TAFA2: variants seen among roughly 807,000 people sequenced by gnomAD.
TAFA2 encodes the protein chemokine-like protein TAFA-2.
TAFA2 carries 7 observed loss-of-function variants against 18.8 expected under a neutral mutation model. The ratio of observed to expected loss-of-function variants is 0.37; its 90% CI spans 0.21 to 0.70. TAFA2 has a LOEUF of 0.70. Among genes scored for constraint, TAFA2 ranks in the 30% least tolerant of loss-of-function variants. The pLI is 0.53. For synonymous variants in TAFA2, 60 were observed against 54.2 expected (o/e 1.11, Z -0.47); for missense variants, 122 against 158.1 (o/e 0.77, Z 1.23).
intron 4 of TAFA2, among the ~76,000 whole-genome samples, chr12:61,739,842 G>T (rs1452608439): frequency 6.6e-6 from 1 of 152,044 alleles, no homozygotes; most frequent in African/African-American, 2.4e-5. Flanking sequence ...TTCTAATCAT[G>T]ATAGTTGTTT....
chr12:61,922,667 C>T lies in TAFA2; in HGVS notation c.-1-55241G>A, dbSNP rs554591998. On this transcript the variant is annotated intron_variant, in intron 1 of 4. Coordinates refer to ENST00000416284, the MANE Select transcript of TAFA2 (RefSeq NM_178539.5). ...CCTGGGTTTCAAGCACAAAACAGGG[C>T]GACCATTTGGGCAGACACCTAGCTA... Among the ~76,000 whole-genome samples the T allele has an allele frequency of 1.5e-4, 23 of 152,226 alleles. No homozygotes were observed. In the South Asian group the frequency reaches 3.7e-3, roughly 25 times the overall value.
chr12:61,801,407 A>G (rs537630500), intron 2 of TAFA2, among the ~76,000 whole-genome samples: 26 of 152,242 alleles, frequency 1.7e-4, no homozygotes, highest in African/African-American at 6.3e-4. Flanking sequence ...ACAGCATAGT[A>G]CTGGTATAAA....
chr12:62,074,062 TA>T (rs1453661162), intron 1 of TAFA2, among the ~76,000 whole-genome samples: 3 of 152,214 alleles, frequency 2.0e-5, no homozygotes, highest in Non-Finnish European at 4.4e-5. Flanking sequence ...TAGCATTAAA[TA>T]GGAACTATTT....
intron 2 of TAFA2, among the ~76,000 whole-genome samples, chr12:61,853,081 G>A (rs1360448337): frequency 6.6e-6 from 1 of 152,136 alleles, no homozygotes; most frequent in Non-Finnish European, 1.5e-5. Flanking sequence ...AACCATGTGA[G>A]GTGATGAATA....
chr12:61,983,429 G>T (rs1879709392), intron 1 of TAFA2, among the ~76,000 whole-genome samples: 2 of 116,090 alleles, frequency 1.7e-5, no homozygotes, highest in African/African-American at 5.7e-5. Flanking sequence ...TTTGTTTTGG[G>T]ACAGAGTCTC....
intron 1 of TAFA2, among the ~76,000 whole-genome samples, chr12:62,226,998 A>G (rs1187739437): frequency 6.6e-6 from 1 of 151,980 alleles, no homozygotes; most frequent in Non-Finnish European, 1.5e-5. Flanking sequence ...CCAGATTTCA[A>G]TATGGGAACA....
intron 2 of TAFA2, among the ~76,000 whole-genome samples, chr12:61,763,548 A>C (rs1869653625): frequency 6.6e-6 from 1 of 151,914 alleles, no homozygotes; most frequent in Non-Finnish European, 1.5e-5. Flanking sequence ...CCCTTTATAC[A>C]CTGTCCAGCA....
intron 1 of TAFA2, among the ~76,000 whole-genome samples, chr12:61,981,611 A>G (rs1879638773): frequency 6.6e-6 from 1 of 152,226 alleles, no homozygotes; most frequent in Non-Finnish European, 1.5e-5. Context: ...ACAAATTTAC[A>G]AGAAAAAACA....
intron 4 of TAFA2, among the ~76,000 whole-genome samples, chr12:61,738,326 CACAA>C (rs200811542): frequency 3.3e-4 from 49 of 147,848 alleles, no homozygotes; most frequent in African/African-American, 1.2e-3. Flanking sequence ...CACACACACA[CACAA>C]ACCTAGCTCA....
At chr12:62,045,791 C>A (rs1881893373) in intron 1 of TAFA2, among the ~76,000 whole-genome samples, 2 of 152,052 alleles carry the variant, frequency 1.3e-5, no homozygotes. Flanking sequence ...CAATGGCTAC[C>A]CAGAACAGTA....
At chr12:61,753,143 C>A (rs1346332288) in intron 4 of TAFA2, among the ~76,000 whole-genome samples, 1 of 151,818 alleles carries the variant, frequency 6.6e-6, no homozygotes, top group Non-Finnish European at 1.5e-5. Flanking sequence ...TAAATCTTAA[C>A]CACTAGAAAA....
At chr12:61,888,573 T>C (rs1253650957) in intron 1 of TAFA2, among the ~76,000 whole-genome samples, 3 of 152,198 alleles carry the variant, frequency 2.0e-5, no homozygotes, top group Non-Finnish European at 4.4e-5. Flanking sequence ...ACAACTCACA[T>C]TTTGCAAAGC....
At chr12:61,898,736 A>G (rs1400875667) in intron 1 of TAFA2, among the ~76,000 whole-genome samples, 4 of 152,186 alleles carry the variant, frequency 2.6e-5, no homozygotes, top group Non-Finnish European at 5.9e-5. Context: ...AAGGTCTCTG[A>G]CATGCCCTGG....
intron 1 of TAFA2, among the ~76,000 whole-genome samples, chr12:61,933,316 T>C (rs898904029): frequency 1.3e-5 from 2 of 152,178 alleles, no homozygotes; most frequent in African/African-American, 4.8e-5. Flanking sequence ...TTTCCACCTT[T>C]ATGTAATGGA....
intron 1 of TAFA2, among the ~76,000 whole-genome samples, chr12:62,039,665 C>T (rs75551852): frequency 0.024 from 3,632 of 152,230 alleles, 140 homozygotes; most frequent in African/African-American, 0.082. Context: ...CTACTAAGAA[C>T]TCAAGGTAAA....
intron 1 of TAFA2, among the ~76,000 whole-genome samples, chr12:61,988,246 T>C (rs1299344021): frequency 6.6e-6 from 1 of 152,118 alleles, no homozygotes; most frequent in Admixed American, 6.5e-5. Flanking sequence ...ATATATTCCC[T>C]TTTCACTTCC....
intron 1 of TAFA2, among the ~76,000 whole-genome samples, chr12:61,951,188 G>A (rs975798388): frequency 6.6e-6 from 1 of 152,118 alleles, no homozygotes; most frequent in African/African-American, 2.4e-5. Context: ...GATATGTGAC[G>A]CAGGAAAAAG....
At chr12:62,221,249 GGAAGGAAGGAA>G (rs1465444809) in intron 1 of TAFA2, among the ~76,000 whole-genome samples, 2 of 149,914 alleles carry the variant, frequency 1.3e-5, no homozygotes, top group African/African-American at 4.9e-5. Flanking sequence ...AAGGAAGGAA[GGAAGGAAGGAA>G]GGAAGTTTGA....
chr12:61,836,160 C>T (rs1695076036), intron 2 of TAFA2, among the ~76,000 whole-genome samples: 2 of 151,714 alleles, frequency 1.3e-5, no homozygotes, highest in Admixed American at 6.6e-5. Flanking sequence ...GCCCCCAAAC[C>T]TATTTATATC....
Sources: allele counts gnomAD v4.1 joint callset (sites outside exome capture counted in the v4.1 genomes callset), GRCh38; gene constraint gnomAD v4.1.1; transcripts MANE v1.5; gene names NCBI Gene and HGNC (gene_info 2026-07-23, HGNC 2026-07-21).